The following MAPKAP1 variants were observed in gnomAD, a reference collection of about 807,000 sequenced individuals.
MAPKAP1 encodes MAPK associated protein 1.
Under a neutral mutation model 65.7 loss-of-function variants are expected in MAPKAP1, and 20 were observed. The ratio of observed to expected loss-of-function variants is 0.30; its 90% confidence interval spans 0.21 to 0.44. The LOEUF is 0.44. MAPKAP1 is among the 20% of genes least tolerant of loss of function. The pLI is 1.00. For synonymous variants in MAPKAP1, 222 were observed against 244.3 expected (o/e 0.91, Z 0.85); for missense variants, 423 against 648.0 (o/e 0.65, Z 3.77).
chr9:125,573,939 G>C (rs1457568662), intron 5 of MAPKAP1, among the ~76,000 whole-genome samples: 1 of 152,132 alleles, frequency 6.6e-6, no homozygotes, highest in African/African-American at 2.4e-5. Flanking sequence ...AATTATTTTA[G>C]TTATTTGCCC....
At chr9:125,683,282 C>A (rs1834878088) in intron 1 of MAPKAP1, among the ~76,000 whole-genome samples, 1 of 152,098 alleles carries the variant, frequency 6.6e-6, no homozygotes, top group South Asian at 2.1e-4. Context: ...TTTCTGTTGT[C>A]CCCTACCCTT....
intron 4 of MAPKAP1, among the ~76,000 whole-genome samples, chr9:125,633,891 T>C (rs1395711028): frequency 6.6e-6 from 1 of 152,242 alleles, no homozygotes; most frequent in Non-Finnish European, 1.5e-5. Context: ...AATTTAATTA[T>C]ATCTTTGCAT....
chr9:125,474,631 T>C (rs934005966), intron 9 of MAPKAP1, among the ~76,000 whole-genome samples: 1 of 152,220 alleles, frequency 6.6e-6, no homozygotes, highest in Admixed American at 6.5e-5. Flanking sequence ...CAGAGGAGAC[T>C]GCTTGACTCT....
intron 10 of MAPKAP1, among the ~76,000 whole-genome samples, chr9:125,455,391 C>T (rs1399957098): frequency 1.3e-5 from 2 of 152,120 alleles, no homozygotes; most frequent in South Asian, 2.1e-4. Context: ...CCTTTTTCAC[C>T]TCTACTCTCA....
intron 9 of MAPKAP1, among the ~76,000 whole-genome samples, chr9:125,481,588 A>G (rs1854319714): frequency 6.6e-6 from 1 of 151,574 alleles, no homozygotes; most frequent in Non-Finnish European, 1.5e-5. Context: ...ACACCTGGCT[A>G]TTTTTGTATT....
At chr9:125,528,356 G>A (rs1829832410) in intron 7 of MAPKAP1, among the ~76,000 whole-genome samples, 1 of 152,150 alleles carries the variant, frequency 6.6e-6, no homozygotes, top group Non-Finnish European at 1.5e-5. Context: ...GTCATTTACT[G>A]CTCATGAATT....
At chr9:125,553,435 G>C (rs1288769369) in intron 6 of MAPKAP1, among the ~76,000 whole-genome samples, 1 of 152,026 alleles carries the variant, frequency 6.6e-6, no homozygotes, top group African/African-American at 2.4e-5. Context: ...ACAGCTACTC[G>C]GGAGGCTGAG....
chr9:125,574,603 T>C (rs1438673170), intron 5 of MAPKAP1, among the ~76,000 whole-genome samples: 4 of 152,188 alleles, frequency 2.6e-5, no homozygotes, highest in East Asian at 1.9e-4. Context: ...AAATACATAA[T>C]GTCAGGTCAA....
intron 8 of MAPKAP1, 52 bp downstream of exon 8, chr9:125,506,258 T>C (rs765057551): frequency 6.7e-7 from 1 of 1,492,468 alleles, no homozygotes; most frequent in South Asian, 1.1e-5. Context: ...ACATGACTTC[T>C]AAGCAAGTTT....
At chr9:125,499,872 G>C (rs1828918516) in intron 8 of MAPKAP1, among the ~76,000 whole-genome samples, 2 of 152,000 alleles carry the variant, frequency 1.3e-5, no homozygotes, top group African/African-American at 2.4e-5. Context: ...CCGTAATCAT[G>C]GCTACTTGGG....
At chr9:125,644,374 C>G (rs1278621539) in intron 4 of MAPKAP1, among the ~76,000 whole-genome samples, 1 of 151,710 alleles carries the variant, frequency 6.6e-6, no homozygotes, top group Non-Finnish European at 1.5e-5. Context: ...AAACATGAAA[C>G]AGAAAATTTC....
chr9:125,443,355 GTC>G (rs1472098496), intron 11 of MAPKAP1, among the ~76,000 whole-genome samples: 1 of 152,168 alleles, frequency 6.6e-6, no homozygotes, highest in African/African-American at 2.4e-5. Flanking sequence ...ACTAGCCAGG[GTC>G]ACACAACTAG....
intron 4 of MAPKAP1, among the ~76,000 whole-genome samples, chr9:125,655,356 G>A (rs1331913730): frequency 1.3e-5 from 2 of 152,186 alleles, no homozygotes; most frequent in African/African-American, 4.8e-5. Flanking sequence ...TCACGGAAAA[G>A]GCTTTATTAT....
chr9:125,529,647 A>T lies in MAPKAP1; in HGVS notation c.958+13412T>A, dbSNP rs180982022. Among the ~76,000 whole-genome samples the T allele has an allele frequency of 3.3e-5, 5 of 152,356 alleles. No individual in the cohort carries two copies. The East Asian group carries it at 9.6e-4, about 29-fold the overall frequency. On this transcript the variant is annotated intron_variant, in intron 7 of 11. Transcript: ENST00000265960. ...CAATAGACCACCTTGTATCTTTTGC[A>T]GCACTTGGGCTTTAATCACATCTCA...
chr9:125,440,727 C>T (rs1011645287), intron 11 of MAPKAP1, among the ~76,000 whole-genome samples: 4 of 152,184 alleles, frequency 2.6e-5, no homozygotes, highest in African/African-American at 4.8e-5. Context: ...ACGCTCTGCC[C>T]GCTGCCTCGC....
At chr9:125,594,645 T>C (rs895181868) in intron 4 of MAPKAP1, among the ~76,000 whole-genome samples, 1 of 152,168 alleles carries the variant, frequency 6.6e-6, no homozygotes, top group Non-Finnish European at 1.5e-5. Flanking sequence ...CCCTAACAAT[T>C]TGATTTGCAC....
intron 1 of MAPKAP1, among the ~76,000 whole-genome samples, chr9:125,677,482 G>A (rs1005732065): frequency 2.0e-5 from 3 of 152,086 alleles, no homozygotes; most frequent in African/African-American, 7.2e-5. Flanking sequence ...GATCACCTGA[G>A]GTCAGGAGTT....
chr9:125,628,160 T>C (rs945889684), intron 4 of MAPKAP1, among the ~76,000 whole-genome samples: 3 of 152,082 alleles, frequency 2.0e-5, no homozygotes, highest in African/African-American at 4.8e-5. Context: ...AGTGAACTTG[T>C]AGGAGGCAGA....
chr9:125,596,676 G>A (rs1357619789), intron 4 of MAPKAP1: 8 of 582,342 alleles, frequency 1.4e-5, no homozygotes, highest in East Asian at 3.7e-5. Context: ...CCAGAGAAGT[G>A]ACAGCGAAGC....
Sources: gnomAD v4.1 joint callset for allele counts (sites outside exome capture counted in the v4.1 genomes callset) on GRCh38, gnomAD v4.1.1 for gene constraint, MANE v1.5 for transcripts, NCBI Gene and HGNC (gene_info 2026-07-23, HGNC 2026-07-21) for gene names.